PDGFRL: variants seen among roughly 807,000 people sequenced by gnomAD.
PDGFRL encodes the protein platelet derived growth factor receptor like.
Under a neutral mutation model 37.2 loss-of-function variants are expected in PDGFRL, and 46 were observed. The observed-to-expected ratio is 1.24, with a 90% CI of 0.98 to 1.58. The LOEUF (loss-of-function observed/expected upper bound fraction) is 1.58. Among genes scored for constraint, PDGFRL ranks in the 40% most tolerant of loss-of-function variants. PDGFRL has a pLI of 0.00. For synonymous variants in PDGFRL, 251 were observed against 184.3 expected, an observed-to-expected ratio of 1.36 and a Z score of -2.93; for missense variants, 692 against 467.6, an observed-to-expected ratio of 1.48 and a Z score of -4.43.
rs1425312704 is a variant in PDGFRL at position 17,589,504 on chromosome 8, A to G, written c.92A>G (p.Lys31Arg). Residue 31 changes from lysine to arginine, a missense_variant, in exon 2 of 6, where the codon AAA becomes AGA. Transcript: ENST00000251630. ...CACCTTCCCAAGAACAAGCGTCCAA[A>G]AGAACCAGGAGAGAATAGAATCAAA... The part of the protein sequence containing the change: ...GQHLPKNKRP[K>R]EPGENRIKPT... 21 of 1,613,978 alleles carry G rather than the reference A, an allele frequency of 1.3e-5. No homozygotes were observed. The highest frequency in any genetic ancestry group is 1.7e-5 in the Non-Finnish European group (20 of 1,179,900).
rs780162377 is a variant in PDGFRL at position 17,634,152 on chromosome 8, G to C, written c.878G>C (p.Cys293Ser). The C allele has an allele frequency of 6.2e-7, 1 of 1,612,870 alleles. No individual in the cohort carries two copies. Among genetic ancestry groups the C allele is most frequent in the Non-Finnish European group, 8.5e-7 (1 of 1,178,936 alleles). Residue 293 changes from cysteine (C) to serine (S), a missense_variant, in exon 5 of 6, where the codon TGC becomes TCC. Transcript: ENST00000251630. ...VKSGDDISVL[C>S]TVLGEPDVEV... The stretch of plus-strand genomic sequence containing the variant: ...AGTGGGGACGACATCAGTGTGCTCT[G>C]CACTGTCCTGGGGGAGCCCGATGTG...
At position 17,592,916 on chromosome 8, in the gene PDGFRL, G is replaced by GCACACACA. The variant is rs140137425; in HGVS notation, c.353+3179_353+3186dup. Among the ~76,000 whole-genome samples, 142 of 29,574 alleles carry GCACACACA rather than the reference G, an allele frequency of 4.8e-3. 3 individuals carry two copies. The highest frequency in any genetic ancestry group is 0.039 in the South Asian group (42 of 1,068). The allele number at this position is 29,574 out of a possible 152,430, so 19.4% of individuals were successfully genotyped here. A position where few individuals can be genotyped will look rare whatever the true frequency, so the allele number is the denominator to read the frequency against. ...TTGTCCTTCTTAAACCCACATACAT[G>GCACACACA]CACACACACACACACACACACACAC... On this transcript the variant is annotated intron_variant, in intron 2 of 5. Coordinates refer to ENST00000251630, the MANE Select transcript of PDGFRL (RefSeq NM_001372073.1).
At chr8:17,618,930 C>A (rs897403970) in intron 2 of PDGFRL, among the ~76,000 whole-genome samples, 3 of 151,862 alleles carry the variant, frequency 2.0e-5, no homozygotes, top group African/African-American at 7.3e-5. Flanking sequence ...TTAGAAGCTT[C>A]CTGAAGGAGG....
At chr8:17,629,085 C>CTTTTT (rs397892660) in intron 4 of PDGFRL, among the ~76,000 whole-genome samples, 2 of 122,932 alleles carry the variant, frequency 1.6e-5, no homozygotes, top group Non-Finnish European at 3.3e-5. Flanking sequence ...GCCCTGCTAA[C>CTTTTT]TTTTTTTTTT....
intron 5 of PDGFRL, among the ~76,000 whole-genome samples, chr8:17,634,774 T>C (rs1423431180): frequency 6.6e-6 from 1 of 151,862 alleles, no homozygotes; most frequent in East Asian, 1.9e-4. Context: ...ATGATTAGAC[T>C]ACATGGACAT....
intron 2 of PDGFRL, among the ~76,000 whole-genome samples, chr8:17,590,253 A>AAAAAAAAAAAAC (rs1356419901): frequency 6.9e-6 from 1 of 144,542 alleles, no homozygotes. Context: ...AAAAAAAAAA[A>AAAAAAAAAAAAC]AAATTGCAAA....
chr8:17,584,743 T>C (rs1803779607), intron 1 of PDGFRL, among the ~76,000 whole-genome samples: 1 of 151,270 alleles, frequency 6.6e-6, no homozygotes, highest in Non-Finnish European at 1.5e-5. Flanking sequence ...AAAGATACTT[T>C]AAACAGTGGT....
At chr8:17,590,857 C>T (rs1803922011) in intron 2 of PDGFRL, among the ~76,000 whole-genome samples, 1 of 151,376 alleles carries the variant, frequency 6.6e-6, no homozygotes, top group Non-Finnish European at 1.5e-5. Flanking sequence ...AACTACTTTT[C>T]AACTGCTTCT....
intron 4 of PDGFRL, among the ~76,000 whole-genome samples, chr8:17,630,412 T>C (rs867717045): frequency 9.2e-5 from 14 of 152,242 alleles, no homozygotes; most frequent in African/African-American, 3.1e-4. Context: ...ATCCCCCTTT[T>C]CCTGAGGGTA....
At chr8:17,629,085 C>CTTTT (rs397892660) in intron 4 of PDGFRL, among the ~76,000 whole-genome samples, 3 of 122,932 alleles carry the variant, frequency 2.4e-5, no homozygotes, top group Non-Finnish European at 3.3e-5. Context: ...GCCCTGCTAA[C>CTTTT]TTTTTTTTTT....
intron 2 of PDGFRL, among the ~76,000 whole-genome samples, chr8:17,591,120 G>T (rs1442263220): frequency 6.6e-6 from 1 of 152,010 alleles, no homozygotes; most frequent in East Asian, 1.9e-4. Context: ...CTGACCTCAT[G>T]ATCCGCCTGC....
At chr8:17,596,605 T>C (rs1804057969) in intron 2 of PDGFRL, among the ~76,000 whole-genome samples, 1 of 152,212 alleles carries the variant, frequency 6.6e-6, no homozygotes, top group Non-Finnish European at 1.5e-5. Flanking sequence ...GAAAACATTT[T>C]AAAGACTCTA....
chr8:17,590,236 CAAAA>C (rs770779669), intron 2 of PDGFRL, among the ~76,000 whole-genome samples: 6,223 of 35,620 alleles, frequency 0.17, 637 homozygotes, highest in Middle Eastern at 0.31. Flanking sequence ...GACTCCATCT[CAAAA>C]AAAAAAAAAA....
At chr8:17,612,701 C>T (rs186555922) in intron 2 of PDGFRL, among the ~76,000 whole-genome samples, 1 of 152,224 alleles carries the variant, frequency 6.6e-6, no homozygotes, top group Admixed American at 6.5e-5. Context: ...TAAAATAACA[C>T]ATACTTATTT....
chr8:17,602,291 A>G (rs527648008), intron 2 of PDGFRL, among the ~76,000 whole-genome samples: 76 of 152,304 alleles, frequency 5.0e-4, no homozygotes, highest in African/African-American at 1.8e-3. Flanking sequence ...AGAGTCATAG[A>G]GGAGATGTGG....
intron 1 of PDGFRL, among the ~76,000 whole-genome samples, chr8:17,587,086 T>G (rs1368352569): frequency 6.6e-6 from 1 of 152,204 alleles, no homozygotes; most frequent in Non-Finnish European, 1.5e-5. Context: ...GTCACTCAAT[T>G]CCAATACCGT....
At chr8:17,596,879 C>G (rs568658390) in intron 2 of PDGFRL, among the ~76,000 whole-genome samples, 5 of 152,332 alleles carry the variant, frequency 3.3e-5, no homozygotes, top group Admixed American at 6.5e-5. Context: ...GACATCGTTC[C>G]CAGAACGTGG....
At chr8:17,579,903 G>T (rs7002459) in intron 1 of PDGFRL, among the ~76,000 whole-genome samples, 42,091 of 151,764 alleles carry the variant, frequency 0.28, 6,112 homozygotes, top group Middle Eastern at 0.39. Flanking sequence ...AAGATTCCAC[G>T]TTGAGATGTC....
chr8:17,623,429 A>T (rs1483077371), intron 3 of PDGFRL, among the ~76,000 whole-genome samples: 1 of 152,228 alleles, frequency 6.6e-6, no homozygotes, highest in Non-Finnish European at 1.5e-5. Context: ...AACTAAGATG[A>T]ATAAAAGTCT....
Sources: allele counts gnomAD v4.1 joint callset (sites outside exome capture counted in the v4.1 genomes callset), GRCh38; gene constraint gnomAD v4.1.1; transcripts MANE v1.5; gene names NCBI Gene and HGNC (gene_info 2026-07-23, HGNC 2026-07-21).